GNG2: variants seen among roughly 807,000 people sequenced by gnomAD.
GNG2 encodes the protein G protein subunit gamma 2.
In GNG2, 5 loss-of-function variants were observed where a neutral mutation model predicts 5.5. The observed-to-expected ratio is 0.91, with a 90% confidence interval of 0.48 to 1.92. The LOEUF is 1.92. Ranked by LOEUF, GNG2 falls within the 30% of genes most tolerant of loss-of-function variation. The pLI is 0.01. For synonymous variants in GNG2, 28 were observed against 32.0 expected, an observed-to-expected ratio of 0.88 and a Z score of 0.42; for missense variants, 55 against 88.4, an observed-to-expected ratio of 0.62 and a Z score of 1.52.
At chr14:51,840,910 T>C (rs148130175) in intron 2 of GNG2, among the ~76,000 whole-genome samples, 65 of 152,344 alleles carry the variant, frequency 4.3e-4, no homozygotes, top group African/African-American at 1.5e-3. Flanking sequence ...CAGTCCCTCA[T>C]GTATAATGCT....
intron 2 of GNG2, among the ~76,000 whole-genome samples, chr14:51,839,078 T>C: frequency 6.6e-6 from 1 of 152,172 alleles, no homozygotes; most frequent in East Asian, 1.9e-4. Flanking sequence ...ATACAGATTG[T>C]GAGCCCGAAA....
chr14:51,868,718 G>A (rs182889290), intron 1 of GNG2, among the ~76,000 whole-genome samples: 1 of 152,162 alleles, frequency 6.6e-6, no homozygotes, highest in Admixed American at 6.5e-5. Context: ...TCACATACAT[G>A]TTCTGTAATC....
intron 1 of GNG2, among the ~76,000 whole-genome samples, chr14:51,874,349 C>T (rs978132549): frequency 4.7e-5 from 7 of 148,452 alleles, no homozygotes; most frequent in Non-Finnish European, 8.9e-5. Flanking sequence ...GGCGTGAACC[C>T]GTGAGGAGGA....
intron 2 of GNG2, among the ~76,000 whole-genome samples, chr14:51,910,177 T>G (rs1224420561): frequency 6.6e-6 from 1 of 152,188 alleles, no homozygotes; most frequent in African/African-American, 2.4e-5. Context: ...GTCTAGAAAT[T>G]AGCAGTATTC....
chr14:51,834,401 G>A (rs1192605990), intron 2 of GNG2, among the ~76,000 whole-genome samples: 1 of 152,228 alleles, frequency 6.6e-6, no homozygotes, highest in Non-Finnish European at 1.5e-5. Context: ...CGAGGTCAGA[G>A]CCACATGGAA....
At chr14:51,871,841 T>C (rs571751596) in intron 1 of GNG2, among the ~76,000 whole-genome samples, 3 of 152,360 alleles carry the variant, frequency 2.0e-5, no homozygotes, top group African/African-American at 2.4e-5. Flanking sequence ...TCTGGGTTTG[T>C]GCTGTTTGTT....
intron 2 of GNG2, among the ~76,000 whole-genome samples, chr14:51,904,501 T>C (rs1255136491): frequency 6.6e-6 from 1 of 152,130 alleles, no homozygotes; most frequent in Non-Finnish European, 1.5e-5. Context: ...TACGGAGATG[T>C]TGTTGGGATG....
chr14:51,843,258 C>G (rs1881532880), intron 2 of GNG2, among the ~76,000 whole-genome samples: 1 of 152,130 alleles, frequency 6.6e-6, no homozygotes, highest in South Asian at 2.1e-4. Context: ...ACTTGGTTGT[C>G]TTACTCTTGG....
At chr14:51,880,918 A>G (rs1211656580) in intron 2 of GNG2, among the ~76,000 whole-genome samples, 5 of 144,672 alleles carry the variant, frequency 3.5e-5, no homozygotes, top group African/African-American at 1.3e-4. Flanking sequence ...GAAAATCTGT[A>G]GCCATATATG....
intron 2 of GNG2, among the ~76,000 whole-genome samples, chr14:51,884,539 T>C (rs140484668): frequency 6.8e-4 from 104 of 152,288 alleles, no homozygotes; most frequent in African/African-American, 2.3e-3. Flanking sequence ...TCTTTTCCAA[T>C]TAGTCTTGAG....
At chr14:51,875,636 CTTATA>C (rs1417154298) in intron 1 of GNG2, among the ~76,000 whole-genome samples, 10 of 151,014 alleles carry the variant, frequency 6.6e-5, no homozygotes, top group Admixed American at 1.3e-4. Flanking sequence ...TATAATACAA[CTTATA>C]TTATGTATAT....
At chr14:51,904,911 T>G (rs779007361) in intron 2 of GNG2, among the ~76,000 whole-genome samples, 1 of 152,244 alleles carries the variant, frequency 6.6e-6, no homozygotes, top group Non-Finnish European at 1.5e-5. Context: ...GATTGCCCAG[T>G]CAGCTGGGGA....
At chr14:51,897,299 A>G (rs1009590438) in intron 2 of GNG2, among the ~76,000 whole-genome samples, 1 of 152,224 alleles carries the variant, frequency 6.6e-6, no homozygotes, top group Non-Finnish European at 1.5e-5. Context: ...TAGGAAATGT[A>G]TGGGTTTCCT....
At chr14:51,874,752 G>A (rs1447501650) in intron 1 of GNG2, among the ~76,000 whole-genome samples, 1 of 151,872 alleles carries the variant, frequency 6.6e-6, no homozygotes, top group African/African-American at 2.4e-5. Context: ...AAAAAGTCGG[G>A]TATCCTCTGA....
intron 3 of GNG2, among the ~76,000 whole-genome samples, chr14:51,956,020 C>G (rs145459796): frequency 6.6e-6 from 1 of 152,262 alleles, no homozygotes; most frequent in Non-Finnish European, 1.5e-5. Context: ...AGGTTTAGGA[C>G]ATTTTAAGTA....
At chr14:51,860,574 G>C (rs1303372567), upstream of GNG2, 2 of 152,504 alleles carry the variant, frequency 1.3e-5, no homozygotes, top group African/African-American at 4.8e-5. Context: ...GCTTCCTGTA[G>C]AAAGAACGTT....
chr14:51,887,259 T>G (rs569946786), intron 2 of GNG2, among the ~76,000 whole-genome samples: 8 of 152,198 alleles, frequency 5.3e-5, no homozygotes, highest in Non-Finnish European at 1.2e-4. Flanking sequence ...CAGCTTTAGA[T>G]AGCCACCTTC....
chr14:51,931,063 A>C (rs1044878328), intron 2 of GNG2, among the ~76,000 whole-genome samples: 3 of 152,088 alleles, frequency 2.0e-5, no homozygotes, highest in Non-Finnish European at 4.4e-5. Flanking sequence ...ATGCCAGTGC[A>C]CTCCAACCTG....
chr14:51,902,444 G>C (rs1305284240), intron 2 of GNG2, among the ~76,000 whole-genome samples: 1 of 152,138 alleles, frequency 6.6e-6, no homozygotes, highest in African/African-American at 2.4e-5. Context: ...ACACAGGCCT[G>C]GTTTCCTGGT....
Sources: allele counts gnomAD v4.1 joint callset (sites outside exome capture counted in the v4.1 genomes callset), GRCh38; gene constraint gnomAD v4.1.1; transcripts MANE v1.5; gene names NCBI Gene and HGNC (gene_info 2026-07-23, HGNC 2026-07-21).